Variants in RFTN2 observed in about 807,000 individuals in gnomAD.
RFTN2 encodes the protein raftlin-2.
RFTN2 carries 34 observed loss-of-function variants against 52.7 expected under a neutral mutation model. The ratio of observed to expected loss-of-function variants is 0.64; its 90% CI spans 0.49 to 0.86. The LOEUF (loss-of-function observed/expected upper bound fraction) is 0.86, where lower values mean the gene tolerates loss of function less well. Among genes scored for constraint, RFTN2 ranks in the 40% least tolerant of loss-of-function variants. The probability of loss-of-function intolerance (pLI) is 0.00; values close to 1 mark genes in which losing one functional copy is unlikely to be tolerated. For missense variants in RFTN2, 536 were observed against 600.1 expected, an observed-to-expected ratio of 0.89 and a Z score of 1.12; for synonymous variants, 203 against 217.7, an observed-to-expected ratio of 0.93 and a Z score of 0.59.
At chr2:197,632,456 G>A (rs2088482961) in intron 4 of RFTN2, among the ~76,000 whole-genome samples, 1 of 152,182 alleles carries the variant, frequency 6.6e-6, no homozygotes, top group Non-Finnish European at 1.5e-5. Context: ...ACCATGTGAA[G>A]AAGGACATGT....
At chr2:197,642,653 C>G (rs975825962) in intron 3 of RFTN2, among the ~76,000 whole-genome samples, 94 of 152,012 alleles carry the variant, frequency 6.2e-4, no homozygotes, top group African/African-American at 2.2e-3. Flanking sequence ...CAATTATTTT[C>G]TTAAAATCAA....
chr2:197,592,483 C>T (rs538459015), intron 8 of RFTN2, among the ~76,000 whole-genome samples: 1 of 152,246 alleles, frequency 6.6e-6, no homozygotes, highest in Non-Finnish European at 1.5e-5. Flanking sequence ...GCGTGAGCCA[C>T]TGTGCCTGGC....
chr2:197,664,780 A>G (rs2089027879), intron 1 of RFTN2, among the ~76,000 whole-genome samples: 2 of 152,152 alleles, frequency 1.3e-5, no homozygotes, highest in African/African-American at 4.8e-5. Context: ...GCGAGAACTT[A>G]TCTCAAAAAA....
Position 197,644,162 on chromosome 2 carries a change from T to G in RFTN2, c.434A>C (p.Glu145Ala). Residue 145 changes from glutamate (E) to alanine (A), a missense_variant, in exon 3 of 9, where the codon GAA becomes GCA. Coordinates refer to ENST00000295049, the MANE Select transcript of RFTN2 (RefSeq NM_144629.3). ...QTNDAAKELI[E>A]KINVAAKRGM... ...AAAAGTGCATAAATTTAGTACCTTT[T>G]CTATCAGTTCTTTTGCTGCGTCATT... 1 of 1,578,286 alleles carries G rather than the reference T, an allele frequency of 6.3e-7. No individual in the cohort carries two copies. The highest frequency in any genetic ancestry group is 8.7e-7 in the Non-Finnish European group (1 of 1,147,378).
intron 3 of RFTN2, 69 bp from the exon 4 acceptor site, chr2:197,634,066 C>T (rs2088515430): frequency 7.5e-7 from 1 of 1,326,116 alleles, no homozygotes; most frequent in Non-Finnish European, 1.0e-6. Flanking sequence ...TATCAATTAA[C>T]CTTTAGGCTT....
chr2:197,658,179 A>ATT (rs11357712), intron 1 of RFTN2, among the ~76,000 whole-genome samples: 4 of 145,290 alleles, frequency 2.8e-5, no homozygotes, highest in African/African-American at 7.6e-5. Flanking sequence ...TTTAAAAAAT[A>ATT]TTTTTTTTTT....
At chr2:197,618,695 G>T (rs1349840122) in intron 5 of RFTN2, among the ~76,000 whole-genome samples, 1 of 151,470 alleles carries the variant, frequency 6.6e-6, no homozygotes, top group Non-Finnish European at 1.5e-5. Flanking sequence ...GTCTCTGCCC[G>T]GCCGCCCATC....
At chr2:197,675,230 C>G (rs895484112) in intron 1 of RFTN2, 90 bp downstream of exon 1, 9 of 949,420 alleles carry the variant, frequency 9.5e-6, no homozygotes, top group Non-Finnish European at 1.3e-5. Flanking sequence ...TTATGAAGAA[C>G]AGTTTAAAAA....
rs572109247 is a variant in RFTN2 at position 197,605,301 on chromosome 2, C to T, written c.1155-9232G>A. 6.6e-5 allele frequency among the ~76,000 whole-genome samples: 10 copies of T among 151,682 alleles called. No individual in the cohort carries two copies. The South Asian group carries it at 1.7e-3, about 25-fold the overall frequency. ...CGCAATCTCGGCTCACTGCCAGCTC[C>T]GCCTCCCGGGTTCACGCCATTCTCT... On this transcript the variant is annotated intron_variant, in intron 7 of 8. Transcript: ENST00000295049.
chr2:197,646,356 G>T, intron 2 of RFTN2, 127 bp downstream of exon 2: 1 of 673,390 alleles, frequency 1.5e-6, no homozygotes, highest in Non-Finnish European at 2.5e-6. Context: ...TCCACTGCTG[G>T]AAAATGTGCT....
At chr2:197,629,337 T>C (rs1000708167) in intron 5 of RFTN2, among the ~76,000 whole-genome samples, 42 of 152,028 alleles carry the variant, frequency 2.8e-4, no homozygotes, top group Middle Eastern at 3.4e-3. Context: ...GAGCAAACTA[T>C]CGCAAGGACA....
rs367984078 is a variant in RFTN2 at position 197,572,203 on chromosome 2, C to A, written c.1311G>T (p.Ser437=). 6.2e-7 allele frequency: 1 copy of A among 1,614,104 alleles called. No homozygotes were observed. Among genetic ancestry groups the A allele is most frequent in the Non-Finnish European group, 8.5e-7 (1 of 1,180,038 alleles). Reference sequence around the variant, plus strand: ...GGTGTCTGCTCTCTGCAGGTTGTGACGAGGTTGTGTCTAATCCGATGCTTC... The same window carrying A: ...GGTGTCTGCTCTCTGCAGGTTGTGAAGAGGTTGTGTCTAATCCGATGCTTC... The part of the protein sequence containing the change: ...TSRSIGLDTT[S]SQPAESRHLP... Residue 437 remains serine, a synonymous_variant, in exon 9 of 9, where the codon TCG becomes TCT. Transcript: ENST00000295049.
In RFTN2 at chr2:197,571,655, T is replaced by C. The variant is rs1401659563; in HGVS notation, c.*353A>G. The C allele has an allele frequency of 1.9e-5, 4 of 215,360 alleles. No individual in the cohort carries two copies. Among genetic ancestry groups the C allele is most frequent in the Admixed American group, 1.0e-4 (2 of 19,074 alleles). The allele number at this position is 215,360 out of a possible 1,614,324, so 13.3% of individuals were successfully genotyped here. ...GTAACTTCCTGAGAACTCTCTCTAA[T>C]TGGGTAAAATACTGATTGAGATATT... On this transcript the variant is annotated 3_prime_UTR_variant, in exon 9 of 9. Coordinates refer to ENST00000295049, the MANE Select transcript of RFTN2 (RefSeq NM_144629.3).
At chr2:197,619,989 ATCT>A (rs2088234446) in intron 5 of RFTN2, among the ~76,000 whole-genome samples, 12 of 151,798 alleles carry the variant, frequency 7.9e-5, no homozygotes, top group Admixed American at 7.9e-4. Context: ...TCTAAAAGGC[ATCT>A]GGATGTGATC....
intron 5 of RFTN2, among the ~76,000 whole-genome samples, chr2:197,618,955 G>T (rs113564351): frequency 0.03 from 4,450 of 149,300 alleles, 158 homozygotes; most frequent in East Asian, 0.13. Context: ...GGAGGGAGGT[G>T]GGGGGGTCAG....
intron 5 of RFTN2, among the ~76,000 whole-genome samples, chr2:197,629,145 C>A (rs1379031395): frequency 6.6e-6 from 1 of 152,284 alleles, no homozygotes; most frequent in South Asian, 2.1e-4. Flanking sequence ...CACACGTACA[C>A]GTATGTTTAT....
Position 197,674,136 on chromosome 2 carries a change from T to G in RFTN2, c.139+1184A>C, listed in dbSNP as rs147955697. Among the ~76,000 whole-genome samples, 193 of 152,082 alleles carry G rather than the reference T, an allele frequency of 1.3e-3. 1 individual carries two copies. The highest frequency in any genetic ancestry group is 2.2e-3 in the Non-Finnish European group (152 of 67,976). ...TTAACATTCATAATTTAAAAGAAAA[T>G]TAAGAAATTAAGAATATTAATTTTT... On this transcript the variant is annotated intron_variant, in intron 1 of 8. Transcript: ENST00000295049.
At chr2:197,650,219 T>C (rs2088806966) in intron 1 of RFTN2, among the ~76,000 whole-genome samples, 1 of 152,116 alleles carries the variant, frequency 6.6e-6, no homozygotes, top group African/African-American at 2.4e-5. Flanking sequence ...GTGAAACAAA[T>C]CTCCAGAACT....
chr2:197,648,725 C>G (rs2088786232), intron 1 of RFTN2, among the ~76,000 whole-genome samples: 1 of 152,224 alleles, frequency 6.6e-6, no homozygotes, highest in African/African-American at 2.4e-5. Flanking sequence ...CTTGATTCAG[C>G]CTCCACGCGT....
Sources: gnomAD v4.1 joint callset for allele counts (sites outside exome capture counted in the v4.1 genomes callset) on GRCh38, gnomAD v4.1.1 for gene constraint, MANE v1.5 for transcripts, NCBI Gene and HGNC (gene_info 2026-07-23, HGNC 2026-07-21) for gene names.